Variants in NTMT1 observed in about 807,000 individuals in gnomAD.
NTMT1 encodes N-terminal RCC1 methyltransferase.
NTMT1 carries 8 observed loss-of-function variants against 17.5 expected under a neutral mutation model. The ratio of observed to expected loss-of-function variants is 0.46; its 90% CI spans 0.27 to 0.82. The LOEUF (loss-of-function observed/expected upper bound fraction) is 0.82, where lower values mean the gene tolerates loss of function less well. Among genes scored for constraint, NTMT1 ranks in the 40% least tolerant of loss-of-function variants. The pLI is 0.15. For synonymous variants in NTMT1, 128 were observed against 126.8 expected (o/e 1.01, Z -0.06); for missense variants, 221 against 303.5 (o/e 0.73, Z 2.02).
At chr9:129,633,143 G>C (rs765349890) in intron 2 of NTMT1, 1 of 488,636 alleles carries the variant, frequency 2.0e-6, no homozygotes, top group African/African-American at 1.9e-5. Context: ...GGTTTTGCCA[G>C]GGACGAAACC....
intron 1 of NTMT1, among the ~76,000 whole-genome samples, chr9:129,627,484 G>A (rs1243455230): frequency 6.6e-6 from 1 of 152,222 alleles, no homozygotes; most frequent in Non-Finnish European, 1.5e-5. Flanking sequence ...CCGGCACTGT[G>A]CAAAGCACTT....
chr9:129,635,165 C>T (rs772988309), intron 3 of NTMT1, 43 bp from the exon 4 acceptor site: 22 of 1,581,276 alleles, frequency 1.4e-5, no homozygotes, highest in Admixed American at 5.1e-5. Flanking sequence ...TGCCGACATC[C>T]GCTTGCATGG....
At chr9:129,618,187 A>T (rs1404403264) in intron 1 of NTMT1, among the ~76,000 whole-genome samples, 1 of 151,904 alleles carries the variant, frequency 6.6e-6, no homozygotes, top group Non-Finnish European at 1.5e-5. Context: ...TTCACCCTTC[A>T]CCCCTGCTTA....
intron 2 of NTMT1, 36 bp from the exon 3 acceptor site, chr9:129,634,018 G>A (rs1287614952): frequency 6.3e-7 from 1 of 1,594,736 alleles, no homozygotes; most frequent in Non-Finnish European, 8.6e-7. Context: ...GCGGTGACAG[G>A]GTCCCTCTGA....
At chr9:129,635,179 C>T (rs776736337) in intron 3 of NTMT1, 29 bp from the exon 4 acceptor site, 12 of 1,593,538 alleles carry the variant, frequency 7.5e-6, no homozygotes, top group Non-Finnish European at 1.0e-5. Context: ...TGCATGGTGC[C>T]CTGGTAACCT....
At chr9:129,619,360 G>A (rs1830555881) in intron 1 of NTMT1, among the ~76,000 whole-genome samples, 1 of 152,152 alleles carries the variant, frequency 6.6e-6, no homozygotes, top group South Asian at 2.1e-4. Flanking sequence ...ATCTTGAATG[G>A]GTTGGTAGAA....
At chr9:129,618,677 A>AT (rs1188076727) in intron 1 of NTMT1, among the ~76,000 whole-genome samples, 2 of 150,716 alleles carry the variant, frequency 1.3e-5, no homozygotes, top group Non-Finnish European at 3.0e-5. Flanking sequence ...TTTATTTTTT[A>AT]TTTATTTTAT....
At chr9:129,610,175 G>T (rs1588104962) in intron 1 of NTMT1, among the ~76,000 whole-genome samples, 1 of 137,154 alleles carries the variant, frequency 7.3e-6, no homozygotes, top group African/African-American at 2.8e-5. Context: ...CTTGCGGGCC[G>T]AGCCACAGGG....
intron 1 of NTMT1, among the ~76,000 whole-genome samples, chr9:129,610,465 C>CGA (rs1166711237): frequency 6.6e-6 from 1 of 151,834 alleles, no homozygotes; most frequent in Admixed American, 6.6e-5. Context: ...ACAACAAAAG[C>CGA]GAGAGAGAGG....
At chr9:129,612,579 T>C (rs908344430) in intron 1 of NTMT1, 13 of 728,112 alleles carry the variant, frequency 1.8e-5, no homozygotes, top group Non-Finnish European at 3.0e-5. Flanking sequence ...TTTTAAAAGA[T>C]GAGGAAACAA....
chr9:129,622,267 C>T (rs1164533534), upstream of NTMT1, among the ~76,000 whole-genome samples: 1 of 152,036 alleles, frequency 6.6e-6, no homozygotes, highest in African/African-American at 2.4e-5. Flanking sequence ...CCGAGGCGGG[C>T]GGATCACCTG....
intron 1 of NTMT1, among the ~76,000 whole-genome samples, chr9:129,616,114 G>T (rs1488801171): frequency 2.0e-5 from 3 of 152,134 alleles, no homozygotes; most frequent in South Asian, 4.1e-4. Context: ...GAATCATTGT[G>T]CCCACCCTAC....
intron 1 of NTMT1, chr9:129,619,970 C>T (rs544557598): frequency 1.4e-6 from 2 of 1,480,392 alleles, no homozygotes; most frequent in Admixed American, 4.0e-5. Flanking sequence ...TAGCATCCTT[C>T]TAGCCTGGGT....
intron 1 of NTMT1, among the ~76,000 whole-genome samples, chr9:129,632,043 T>C (rs1170118822): frequency 1.3e-5 from 2 of 152,190 alleles, no homozygotes; most frequent in Non-Finnish European, 1.5e-5. Flanking sequence ...GAAGCTTCCC[T>C]GGCCCTCCAG....
chr9:129,612,497 G>A (rs967747951), intron 1 of NTMT1: 10 of 1,502,482 alleles, frequency 6.7e-6, no homozygotes, highest in East Asian at 2.3e-5. Flanking sequence ...CCAGGACCTC[G>A]GGGCAGGGGA....
In NTMT1 at chr9:129,613,535, C is replaced by T. The variant is rs370776156; in HGVS notation, c.-55+4357C>T. On this transcript the variant is annotated intron_variant, in intron 1 of 3. Transcript: ENST00000372486. The surrounding 1 kb of genome is among the most constrained non-coding windows in gnomAD (Gnocchi z 6.2). ...CTCTCCAGCCGTTTTCCGACACTCC[C>T]AAACACCCGCTCGGACGCCACTGGC... 2.5e-6 allele frequency: 4 copies of T among 1,614,074 alleles called. No individual in the cohort carries two copies. Among genetic ancestry groups the T allele is most frequent in the Admixed American group, 1.7e-5 (1 of 60,004 alleles).
At chr9:129,633,812 AGAATGCAGAATGCAACCTGAACT>A in intron 2 of NTMT1, 1 of 487,954 alleles carries the variant, frequency 2.0e-6, no homozygotes, top group Non-Finnish European at 3.6e-6. Context: ...CAACCTGAAC[AGAATGCAGAATGCAACCTGAACT>A]TTCAAAGATA....
rs756276712 is a variant in NTMT1, at chr9:129,613,309, G to A, written c.-55+4131G>A. ...ACTCTGAGTCCCCGGCCCACCCATG[G>A]CTGGCAGGGCCCTTGAGGACCCACA... On this transcript the variant is annotated intron_variant, in intron 1 of 3. Transcript: ENST00000372486. This position sits in a 1 kb window ranked among gnomAD's most constrained non-coding sequence, Gnocchi z 6.2. The A allele has an allele frequency of 3.2e-6, 5 of 1,565,970 alleles. No homozygotes were observed. The highest frequency in any genetic ancestry group is 4.3e-6 in the Non-Finnish European group (5 of 1,154,712).
chr9:129,628,850 C>T (rs1196529170), intron 1 of NTMT1: 2 of 152,202 alleles, frequency 1.3e-5, no homozygotes. Flanking sequence ...AGGAGCTCCC[C>T]GGCCAGGCGA....
Sources: gnomAD v4.1 joint callset for allele counts (sites outside exome capture counted in the v4.1 genomes callset) on GRCh38, gnomAD v4.1.1 for gene constraint, Gnocchi (gnomAD v3.1) non-coding constraint, MANE v1.5 for transcripts, NCBI Gene and HGNC (gene_info 2026-07-23, HGNC 2026-07-21) for gene names.